L3MBTL3: variants seen among roughly 807,000 people sequenced by gnomAD.
The protein encoded by L3MBTL3 is lethal(3)malignant brain tumor-like protein 3.
L3MBTL3 carries 27 observed loss-of-function variants against 102.3 expected under a neutral mutation model. The ratio of observed to expected loss-of-function variants is 0.26; its 90% CI spans 0.19 to 0.36. L3MBTL3 has a LOEUF of 0.36. Ranked by LOEUF, L3MBTL3 falls within the 10% of genes least tolerant of loss-of-function variation. The pLI, the probability that L3MBTL3 is intolerant of heterozygous loss-of-function variation, is 1.00. For synonymous variants in L3MBTL3, 340 were observed against 320.9 expected, an observed-to-expected ratio of 1.06 and a Z score of -0.64; for missense variants, 798 against 955.3, an observed-to-expected ratio of 0.84 and a Z score of 2.17.
At chr6:130,042,340 A>C (rs184469299) in intron 2 of L3MBTL3, among the ~76,000 whole-genome samples, 1 of 152,204 alleles carries the variant, frequency 6.6e-6, no homozygotes, top group Non-Finnish European at 1.5e-5. Flanking sequence ...ACAGAAAACA[A>C]ACTACTTACA....
At chr6:130,053,906 C>G (rs1408135969) in intron 7 of L3MBTL3, among the ~76,000 whole-genome samples, 1 of 152,192 alleles carries the variant, frequency 6.6e-6, no homozygotes, top group Non-Finnish European at 1.5e-5. Context: ...CATAGAGTCT[C>G]TCCTGGCAGA....
At chr6:130,025,036 A>G (rs1382521090) in intron 2 of L3MBTL3, among the ~76,000 whole-genome samples, 1 of 152,130 alleles carries the variant, frequency 6.6e-6, no homozygotes, top group Non-Finnish European at 1.5e-5. Flanking sequence ...ACAGTCAAGG[A>G]ATGTCTAGCA....
chr6:130,074,216 G>A (rs1376237252), intron 13 of L3MBTL3, among the ~76,000 whole-genome samples: 1 of 152,086 alleles, frequency 6.6e-6, no homozygotes, highest in Non-Finnish European at 1.5e-5. Context: ...AAATATATAT[G>A]TGTCTGTATA....
intron 4 of L3MBTL3, 62 bp downstream of exon 4, chr6:130,049,455 A>T: frequency 1.8e-6 from 2 of 1,107,090 alleles, no homozygotes; most frequent in East Asian, 5.1e-5. Flanking sequence ...AAGAATATCT[A>T]AAGTTTTATA....
chr6:130,090,252 C>A (rs539095225), intron 16 of L3MBTL3, among the ~76,000 whole-genome samples: 24 of 151,724 alleles, frequency 1.6e-4, no homozygotes, highest in Non-Finnish European at 2.4e-4. Flanking sequence ...ATGAATATAC[C>A]ATAATTTATT....
In L3MBTL3 at chr6:130,087,236, A is replaced by G. The variant is rs929680862; in HGVS notation, c.1518+986A>G. ...GTATTTCTATAGAATAGAAATTTTA[A>G]CATTTAGTTCACTGTTAAGATTATA... is the stretch of plus-strand genomic sequence containing the variant. On this transcript the variant is annotated intron_variant, in intron 16 of 22. Transcript: ENST00000361794. 2.0e-5 allele frequency among the ~76,000 whole-genome samples: 3 copies of G among 152,180 alleles called. No homozygotes were observed. The South Asian group carries it at 6.2e-4, about 32-fold the overall frequency.
At position 130,040,117 on chromosome 6, in the gene L3MBTL3, A is replaced by G. The variant is rs924616996; in HGVS notation, c.-15-2568A>G. On this transcript the variant is annotated intron_variant, in intron 2 of 22. Transcript: ENST00000361794. The stretch of plus-strand genomic sequence containing the variant: ...TGAGGCAGGCGGATCACTTGAGGTC[A>G]GGAGTTCAAGACCAGCCTGGCCAAC... Among the ~76,000 whole-genome samples, 4 of 152,144 alleles carry G rather than the reference A, an allele frequency of 2.6e-5. No individual in the cohort carries two copies. In the East Asian group the frequency reaches 7.7e-4, roughly 29 times the overall value.
intron 2 of L3MBTL3, among the ~76,000 whole-genome samples, chr6:130,026,844 A>G (rs1779384920): frequency 6.6e-6 from 1 of 152,152 alleles, no homozygotes; most frequent in Admixed American, 6.5e-5. Context: ...TGGGACCTGC[A>G]TCTACCAAGG....
intron 20 of L3MBTL3, among the ~76,000 whole-genome samples, chr6:130,130,213 C>G (rs922113807): frequency 3.9e-5 from 6 of 152,132 alleles, no homozygotes; most frequent in African/African-American, 1.4e-4. Flanking sequence ...AGTTATTTTT[C>G]TAAGGAACAA....
chr6:130,032,922 G>C (rs937340162), intron 2 of L3MBTL3, among the ~76,000 whole-genome samples: 2 of 152,222 alleles, frequency 1.3e-5, no homozygotes, highest in African/African-American at 4.8e-5. Flanking sequence ...GAGCCCAGGA[G>C]GTTGAGGCTG....
At chr6:130,127,092 T>C (rs181920917) in intron 20 of L3MBTL3, among the ~76,000 whole-genome samples, 1 of 152,338 alleles carries the variant, frequency 6.6e-6, no homozygotes. Flanking sequence ...AATGTTGGTC[T>C]TACTATGTAG....
At chr6:130,031,983 C>T (rs1198029494) in intron 2 of L3MBTL3, among the ~76,000 whole-genome samples, 1 of 152,004 alleles carries the variant, frequency 6.6e-6, no homozygotes, top group Non-Finnish European at 1.5e-5. Flanking sequence ...GTGATCATAG[C>T]TCACTGAAGC....
chr6:130,027,261 T>C (rs1228750285), intron 2 of L3MBTL3, among the ~76,000 whole-genome samples: 1 of 152,208 alleles, frequency 6.6e-6, no homozygotes, highest in Non-Finnish European at 1.5e-5. Flanking sequence ...AAGTTCTATT[T>C]AAAACATTTT....
chr6:130,100,507 T>TA (rs1175311770), intron 18 of L3MBTL3, among the ~76,000 whole-genome samples: 1 of 152,282 alleles, frequency 6.6e-6, no homozygotes, highest in African/African-American at 2.4e-5. Context: ...GAAAGGAGGT[T>TA]AACATAAAAT....
At chr6:130,093,033 A>G (rs1784154145) in intron 17 of L3MBTL3, among the ~76,000 whole-genome samples, 174 bp downstream of exon 17, 1 of 152,222 alleles carries the variant, frequency 6.6e-6, no homozygotes, top group African/African-American at 2.4e-5. Flanking sequence ...ATAAATGGAA[A>G]AAAAACTTAA....
intron 3 of L3MBTL3, among the ~76,000 whole-genome samples, chr6:130,043,513 C>G (rs1021274896): frequency 6.6e-6 from 1 of 152,210 alleles, no homozygotes; most frequent in African/African-American, 2.4e-5. Flanking sequence ...CTACCCCCAT[C>G]TCTCATTTCT....
At chr6:130,038,379 C>T (rs373690796) in intron 2 of L3MBTL3, among the ~76,000 whole-genome samples, 13 of 151,774 alleles carry the variant, frequency 8.6e-5, no homozygotes, top group East Asian at 5.8e-4. Flanking sequence ...ACTCTATATT[C>T]CCACCAAGAA....
intron 3 of L3MBTL3, among the ~76,000 whole-genome samples, chr6:130,048,513 T>C (rs188673572): frequency 6.6e-6 from 1 of 152,196 alleles, no homozygotes; most frequent in Admixed American, 6.5e-5. Flanking sequence ...TTATTTGAAG[T>C]GTGCTGTCAG....
At chr6:130,062,557 T>C (rs1199376417) in intron 10 of L3MBTL3, among the ~76,000 whole-genome samples, 1 of 143,842 alleles carries the variant, frequency 7.0e-6, no homozygotes, top group Non-Finnish European at 1.5e-5. Context: ...CCAGCTAAAT[T>C]TTTTTTTTTT....
Sources: gnomAD v4.1 joint callset for allele counts (sites outside exome capture counted in the v4.1 genomes callset) on GRCh38, gnomAD v4.1.1 for gene constraint, MANE v1.5 for transcripts, NCBI Gene and HGNC (gene_info 2026-07-23, HGNC 2026-07-21) for gene names.